Variants in BBS9 observed in about 807,000 individuals in gnomAD.
The protein encoded by BBS9 is Bardet-Biedl syndrome 9.
Under a neutral mutation model 117.7 loss-of-function variants are expected in BBS9, and 89 were observed. The observed-to-expected ratio is 0.76, with a 90% CI of 0.64 to 0.90. The LOEUF (loss-of-function observed/expected upper bound fraction) is 0.90. Ranked by LOEUF, BBS9 falls within the 40% of genes least tolerant of loss-of-function variation. BBS9 has a pLI of 0.00. For synonymous variants in BBS9, 379 were observed against 370.9 expected (o/e 1.02, Z -0.25); for missense variants, 982 against 1,042.2 (o/e 0.94, Z 0.80).
chr7:33,475,183 T>C (rs905543196), intron 19 of BBS9, among the ~76,000 whole-genome samples: 1 of 152,210 alleles, frequency 6.6e-6, no homozygotes. Flanking sequence ...GTTGCAACTA[T>C]TCAACTCTGC....
At chr7:33,161,073 A>G (rs1360086600) in intron 4 of BBS9, among the ~76,000 whole-genome samples, 2 of 152,162 alleles carry the variant, frequency 1.3e-5, no homozygotes, top group South Asian at 2.1e-4. Flanking sequence ...AAAAGCAAAC[A>G]TTGGTTGTAA....
At chr7:33,192,907 C>G (rs555279980) in intron 5 of BBS9, among the ~76,000 whole-genome samples, 1 of 152,352 alleles carries the variant, frequency 6.6e-6, no homozygotes, top group South Asian at 2.1e-4. Context: ...GGGTGAAGCT[C>G]TCATTACTTA....
intron 9 of BBS9, among the ~76,000 whole-genome samples, chr7:33,307,767 GC>G (rs1808332582): frequency 1.8e-5 from 2 of 111,362 alleles, no homozygotes; most frequent in Non-Finnish European, 3.9e-5. Context: ...TGCAGATGCA[GC>G]CATCTTTTTT....
chr7:33,344,078 GTTTTTTTTTTTTT>G (rs34530007), intron 11 of BBS9, among the ~76,000 whole-genome samples: 1 of 67,466 alleles, frequency 1.5e-5, no homozygotes, highest in Non-Finnish European at 2.5e-5. Flanking sequence ...TAGGGGATGA[GTTTTTTTTTTTTT>G]TTTTTTTTTT....
intron 9 of BBS9, among the ~76,000 whole-genome samples, chr7:33,335,797 AAG>A (rs1426175395): frequency 6.6e-6 from 1 of 152,164 alleles, no homozygotes; most frequent in Non-Finnish European, 1.5e-5. Context: ...AGTGAAGAGA[AAG>A]AGAGAACAAA....
At chr7:33,455,469 G>T (rs186745152) in intron 19 of BBS9, among the ~76,000 whole-genome samples, 30 of 152,302 alleles carry the variant, frequency 2.0e-4, no homozygotes, top group African/African-American at 7.2e-4. Context: ...AACCCAGAAA[G>T]AAATTCTTGA....
intron 9 of BBS9, among the ~76,000 whole-genome samples, chr7:33,288,078 A>G (rs891210358): frequency 2.0e-5 from 3 of 152,194 alleles, no homozygotes; most frequent in African/African-American, 7.2e-5. Context: ...TAAGGGGAAC[A>G]AAGCAATATG....
rs765074432 is a variant in BBS9 at position 33,272,998 on chromosome 7, G to A, written c.703-14G>A. The A allele has an allele frequency of 6.2e-7, 1 of 1,613,346 alleles. No individual in the cohort carries two copies. Among genetic ancestry groups the A allele is most frequent in the East Asian group, 2.2e-5 (1 of 44,814 alleles). On this transcript the variant is annotated splice_polypyrimidine_tract_variant and intron_variant, in intron 7 of 22. Coordinates refer to ENST00000242067, the MANE Select transcript of BBS9 (RefSeq NM_198428.3). ...AGGTTAGCAACTAAATTGATATTGAGTTTTGCTTTGTAGGTGGATTGGACT... is the reference window on the plus strand; with the variant it reads ...AGGTTAGCAACTAAATTGATATTGAATTTTGCTTTGTAGGTGGATTGGACT...
chr7:33,268,313 T>C (rs1799161865), intron 7 of BBS9, among the ~76,000 whole-genome samples: 1 of 152,212 alleles, frequency 6.6e-6, no homozygotes, highest in Non-Finnish European at 1.5e-5. Flanking sequence ...GCAGCATTTA[T>C]ATGTAGCTAT....
intron 20 of BBS9, among the ~76,000 whole-genome samples, chr7:33,530,686 G>A (rs1302645632): frequency 6.6e-6 from 1 of 152,196 alleles, no homozygotes; most frequent in East Asian, 1.9e-4. Flanking sequence ...GTAAAGAGAT[G>A]TCTTTGTAAC....
At chr7:33,348,538 G>T (rs1313234834) in intron 12 of BBS9, among the ~76,000 whole-genome samples, 3 of 152,078 alleles carry the variant, frequency 2.0e-5, no homozygotes, top group African/African-American at 4.8e-5. Flanking sequence ...GTGAACATTT[G>T]TGTATAAGAT....
At chr7:33,575,586 C>A (rs1459811806) in intron 21 of BBS9, among the ~76,000 whole-genome samples, 1 of 152,116 alleles carries the variant, frequency 6.6e-6, no homozygotes, top group African/African-American at 2.4e-5. Context: ...GATACCAAAG[C>A]CTGGCAGAGA....
chr7:33,297,664 T>A (rs1238466422), intron 9 of BBS9, among the ~76,000 whole-genome samples: 1 of 152,138 alleles, frequency 6.6e-6, no homozygotes, highest in Non-Finnish European at 1.5e-5. Flanking sequence ...ATATTACCAA[T>A]GCAGTGGACT....
chr7:33,474,551 G>A (rs1419903), intron 19 of BBS9, among the ~76,000 whole-genome samples: 86,541 of 152,072 alleles, frequency 0.57, 26,886 homozygotes, highest in African/African-American at 0.83. Context: ...TTGTAATTGC[G>A]AGATGGCTGC....
At chr7:33,431,357 G>A (rs1406441434) in intron 19 of BBS9, among the ~76,000 whole-genome samples, 1 of 152,176 alleles carries the variant, frequency 6.6e-6, no homozygotes, top group Non-Finnish European at 1.5e-5. Flanking sequence ...TGAACTTCCA[G>A]CCTTCTCTGC....
At position 33,443,940 on chromosome 7, in the gene BBS9, G is replaced by C. The variant is rs1195336940; in HGVS notation, c.2115+55796G>C. Among the ~76,000 whole-genome samples, 3 of 152,180 alleles carry C rather than the reference G, an allele frequency of 2.0e-5. No homozygotes were observed. The East Asian group carries it at 5.8e-4, about 29-fold the overall frequency. On this transcript the variant is annotated intron_variant, in intron 19 of 22. Coordinates refer to ENST00000242067, the MANE Select transcript of BBS9 (RefSeq NM_198428.3). ...AGAATAGTTTTAAAAATCAGTGAAG[G>C]TGTTTGAATTGATGAGCTGTTTGAA...
intron 10 of BBS9, among the ~76,000 whole-genome samples, chr7:33,338,871 G>A (rs1157056546): frequency 6.6e-6 from 1 of 152,278 alleles, no homozygotes; most frequent in East Asian, 1.9e-4. Context: ...GAGTATGAAG[G>A]ACTGGGTGCA....
At chr7:33,178,968 A>G (rs1479577291) in intron 5 of BBS9, among the ~76,000 whole-genome samples, 1 of 152,196 alleles carries the variant, frequency 6.6e-6, no homozygotes, top group Non-Finnish European at 1.5e-5. Flanking sequence ...GATTACTTGA[A>G]CGATAAGGAG....
intron 9 of BBS9, among the ~76,000 whole-genome samples, chr7:33,328,732 TTTTA>T (rs1160501578): frequency 3.9e-5 from 6 of 152,182 alleles, no homozygotes; most frequent in African/African-American, 1.2e-4. Flanking sequence ...TGCATGTTCT[TTTTA>T]TTTGTTTTTA....
Sources: gnomAD v4.1 joint callset for allele counts (sites outside exome capture counted in the v4.1 genomes callset) on GRCh38, gnomAD v4.1.1 for gene constraint, MANE v1.5 for transcripts, NCBI Gene and HGNC (gene_info 2026-07-23, HGNC 2026-07-21) for gene names.